The following GOSR2 variants were observed in gnomAD, a reference collection of about 807,000 sequenced individuals.
GOSR2 encodes golgi SNAP receptor complex member 2, also known as 27 kDa Golgi SNARE protein.
A neutral mutation model predicts 27.9 loss-of-function variants in GOSR2; 20 were observed. The observed-to-expected ratio is 0.72, with a 90% CI of 0.50 to 1.04. The LOEUF (loss-of-function observed/expected upper bound fraction) is 1.04, where lower values mean the gene tolerates loss of function less well. GOSR2 is among the 50% of genes least tolerant of loss of function. The probability of loss-of-function intolerance (pLI) is 0.00; values close to 1 mark genes in which losing one functional copy is unlikely to be tolerated. For missense variants in GOSR2, 261 were observed against 270.5 expected (o/e 0.97, Z 0.25); for synonymous variants, 91 against 98.8 (o/e 0.92, Z 0.47).
intron 6 of GOSR2, among the ~76,000 whole-genome samples, chr17:46,959,064 A>G (rs374602300): frequency 6.6e-6 from 1 of 152,348 alleles, no homozygotes. Flanking sequence ...TAACAGGCAG[A>G]GGAGTTTCCT....
At chr17:46,931,253 A>G (rs761695109) in intron 3 of GOSR2, 46 bp downstream of exon 3, 2 of 919,294 alleles carry the variant, frequency 2.2e-6, no homozygotes, top group South Asian at 2.6e-5. Context: ...AGGCCCATCA[A>G]GACAGGCTTT....
In GOSR2 at chr17:46,925,140, G is replaced by A. The variant is rs138114799; in HGVS notation, c.29+1919G>A. Reference sequence around the variant, plus strand: ...CAGCTTGCCAGTTTTTTCTATTAAGGGCCAGATAGTAAATATTTTAGGCTC... The same window carrying A: ...CAGCTTGCCAGTTTTTTCTATTAAGAGCCAGATAGTAAATATTTTAGGCTC... On this transcript the variant is annotated intron_variant, in intron 1 of 5. Transcript: ENST00000640051. Among the ~76,000 whole-genome samples the A allele has an allele frequency of 7.0e-3, 1,071 of 152,138 alleles. 12 individuals carry two copies. Among genetic ancestry groups the A allele is most frequent in the African/African-American group, 0.024 (1,016 of 41,472 alleles).
At chr17:46,928,520 C>G (rs2086830390) in intron 1 of GOSR2, among the ~76,000 whole-genome samples, 1 of 152,034 alleles carries the variant, frequency 6.6e-6, no homozygotes, top group Non-Finnish European at 1.5e-5. Context: ...TCATGGAGGA[C>G]CATTAGGAAG....
At chr17:46,965,374 A>G (rs904189820) in intron 6 of GOSR2, among the ~76,000 whole-genome samples, 7 of 152,196 alleles carry the variant, frequency 4.6e-5, no homozygotes, top group Admixed American at 4.6e-4. Flanking sequence ...TGGGACAAGG[A>G]GAGAGAAAGC....
At chr17:46,970,947 T>C (rs149083765), downstream of GOSR2, among the ~76,000 whole-genome samples, 82 of 152,362 alleles carry the variant, frequency 5.4e-4, no homozygotes, top group African/African-American at 1.9e-3. Context: ...TATGAAAGGC[T>C]GCATGCCAAA....
chr17:46,932,471 GA>G, intron 4 of GOSR2: 1 of 595,990 alleles, frequency 1.7e-6, no homozygotes, highest in Non-Finnish European at 3.0e-6. Flanking sequence ...GTCTGAGACA[GA>G]AAGGTGGAAG....
chr17:46,942,750 A>G (rs1170067131), downstream of GOSR2, among the ~76,000 whole-genome samples: 1 of 152,194 alleles, frequency 6.6e-6, no homozygotes, highest in Non-Finnish European at 1.5e-5. Context: ...CCCTGAACAC[A>G]CTGCCTTAGG....
chr17:46,953,554 T>A (rs2090516785), intron 6 of GOSR2, among the ~76,000 whole-genome samples: 1 of 152,158 alleles, frequency 6.6e-6, no homozygotes, highest in Non-Finnish European at 1.5e-5. Flanking sequence ...ATCCTTTGGG[T>A]ATATACCCAG....
intron 5 of GOSR2, chr17:46,935,434 T>C: frequency 4.9e-6 from 7 of 1,418,028 alleles, no homozygotes; most frequent in Non-Finnish European, 6.4e-6. Flanking sequence ...GAACTTATCA[T>C]GAAAGTGAGT....
At chr17:46,952,333 A>C (rs2090420996) in intron 6 of GOSR2, among the ~76,000 whole-genome samples, 1 of 152,190 alleles carries the variant, frequency 6.6e-6, no homozygotes, top group Non-Finnish European at 1.5e-5. Flanking sequence ...GTTTGGGGTG[A>C]CCACATGACT....
intron 6 of GOSR2, chr17:46,975,190 A>G (rs535859538): frequency 1.3e-5 from 2 of 152,146 alleles, no homozygotes; most frequent in South Asian, 2.1e-4. Flanking sequence ...TATCGCTCCT[A>G]TTTTGTAGGT....
At chr17:46,969,944 C>T (rs371237890), downstream of GOSR2, among the ~76,000 whole-genome samples, 5 of 152,238 alleles carry the variant, frequency 3.3e-5, no homozygotes, top group East Asian at 3.9e-4. Context: ...TGGTGATGTG[C>T]GGGGTGGGGG....
At chr17:46,962,968 A>G (rs1327158639) in intron 6 of GOSR2, among the ~76,000 whole-genome samples, 1 of 152,178 alleles carries the variant, frequency 6.6e-6, no homozygotes, top group Non-Finnish European at 1.5e-5. Flanking sequence ...TGTATAACTA[A>G]CTCCCATTTT....
chr17:46,966,350 C>A (rs2091318926), intron 6 of GOSR2, among the ~76,000 whole-genome samples: 1 of 152,210 alleles, frequency 6.6e-6, no homozygotes, highest in African/African-American at 2.4e-5. Context: ...GTGGCACGAT[C>A]ATGGCCCATT....
chr17:46,943,752 T>C (rs989771208), downstream of GOSR2, among the ~76,000 whole-genome samples: 3 of 152,164 alleles, frequency 2.0e-5, no homozygotes, highest in African/African-American at 7.2e-5. Context: ...AGCCATGTGC[T>C]CACAGGGCCT....
At chr17:46,931,329 CA>C in intron 3 of GOSR2, 122 bp downstream of exon 3, 1 of 703,214 alleles carries the variant, frequency 1.4e-6, no homozygotes, top group Non-Finnish European at 2.6e-6. Context: ...TATGACTATG[CA>C]AAGAAAAAGC....
At chr17:46,925,296 G>A (rs2146748573) in intron 1 of GOSR2, among the ~76,000 whole-genome samples, 1 of 152,332 alleles carries the variant, frequency 6.6e-6, no homozygotes, top group East Asian at 1.9e-4. Flanking sequence ...CAGTGGGCCA[G>A]CTTTGCCCCA....
chr17:46,945,197 G>C (rs1205325138), downstream of GOSR2, among the ~76,000 whole-genome samples: 1 of 152,194 alleles, frequency 6.6e-6, no homozygotes, highest in East Asian at 1.9e-4. Context: ...AACCAGCCCT[G>C]GCTGCTGTGG....
chr17:46,951,486 C>G (rs1217687530), intron 6 of GOSR2, among the ~76,000 whole-genome samples: 2 of 152,232 alleles, frequency 1.3e-5, no homozygotes, highest in Non-Finnish European at 2.9e-5. Context: ...GTCAAGCTGC[C>G]AGAGAGAGCC....
Sources: allele counts gnomAD v4.1 joint callset (sites outside exome capture counted in the v4.1 genomes callset), GRCh38; gene constraint gnomAD v4.1.1; transcripts MANE v1.5; gene names NCBI Gene and HGNC (gene_info 2026-07-23, HGNC 2026-07-21).